Variants in CEP128 observed in about 807,000 individuals in gnomAD.
The protein encoded by CEP128 is centrosomal protein 128.
A neutral mutation model predicts 156.7 loss-of-function variants in CEP128; 132 were observed. That is an observed-to-expected ratio of 0.84 (90% CI 0.73 to 0.97). The LOEUF (loss-of-function observed/expected upper bound fraction) is 0.97. CEP128 is among the 50% of genes least tolerant of loss of function. The probability of loss-of-function intolerance (pLI) is 0.00; values close to 1 mark genes in which losing one functional copy is unlikely to be tolerated. For synonymous variants in CEP128, 469 were observed against 448.9 expected, an observed-to-expected ratio of 1.04 and a Z score of -0.57; for missense variants, 1,252 against 1,281.9, an observed-to-expected ratio of 0.98 and a Z score of 0.36.
At chr14:80,768,351 A>G (rs1312621879) in intron 16 of CEP128, among the ~76,000 whole-genome samples, 2 of 152,210 alleles carry the variant, frequency 1.3e-5, no homozygotes, top group Non-Finnish European at 2.9e-5. Flanking sequence ...AGTAGAGTCA[A>G]TAAGATCAGC....
intron 17 of CEP128, 101 bp downstream of exon 17, chr14:80,761,336 T>G (rs1042287569): frequency 4.0e-5 from 35 of 875,120 alleles, no homozygotes; most frequent in Non-Finnish European, 5.1e-5. Context: ...TTATAAAATT[T>G]TCCATAATAA....
At position 80,566,448 on chromosome 14, in the gene CEP128, A is replaced by T. The variant is rs190149484; in HGVS notation, c.2857-7146T>A. Among the ~76,000 whole-genome samples the T allele has an allele frequency of 1.8e-4, 28 of 152,338 alleles. No homozygotes were observed. In the East Asian group the frequency reaches 4.8e-3, roughly 26 times the overall value. On this transcript the variant is annotated intron_variant, in intron 20 of 24. Coordinates refer to ENST00000555265, the MANE Select transcript of CEP128 (RefSeq NM_152446.5). ...AAACTTTAAGATAATGAAAAGGGAA[A>T]GGCTTTGATTAATCATCACACACAA...
At chr14:80,697,293 T>C (rs1881609200) in intron 19 of CEP128, among the ~76,000 whole-genome samples, 1 of 152,110 alleles carries the variant, frequency 6.6e-6, no homozygotes, top group African/African-American at 2.4e-5. Context: ...AAAACTATAA[T>C]GGTTGTTCTC....
chr14:80,727,575 CAACA>C (rs753365328), intron 19 of CEP128, among the ~76,000 whole-genome samples: 27 of 152,066 alleles, frequency 1.8e-4, no homozygotes, highest in African/African-American at 6.0e-4. Flanking sequence ...AAGAAACTAT[CAACA>C]AACAGACAAC....
At chr14:80,768,557 G>A (rs941641743) in intron 16 of CEP128, among the ~76,000 whole-genome samples, 1 of 152,178 alleles carries the variant, frequency 6.6e-6, no homozygotes, top group Admixed American at 6.5e-5. Context: ...TCCTCCAAAA[G>A]AGGGGAAGAA....
At chr14:80,886,464 G>A (rs559498673) in intron 8 of CEP128, among the ~76,000 whole-genome samples, 1 of 152,226 alleles carries the variant, frequency 6.6e-6, no homozygotes, top group South Asian at 2.1e-4. Flanking sequence ...AAGAGAGTGG[G>A]GGCCAATATT....
chr14:80,479,418 T>C (rs1036269620), intron 14 of CEP128, among the ~76,000 whole-genome samples: 3 of 152,090 alleles, frequency 2.0e-5, no homozygotes, highest in African/African-American at 7.2e-5. Context: ...AGAATCATGG[T>C]GGGAGGTGAA....
intron 19 of CEP128, among the ~76,000 whole-genome samples, chr14:80,741,975 C>A (rs879530361): frequency 3.3e-5 from 5 of 152,100 alleles, no homozygotes; most frequent in African/African-American, 1.2e-4. Context: ...GTGACATGCC[C>A]TAAAAATGTC....
intron 18 of CEP128, among the ~76,000 whole-genome samples, chr14:80,754,107 T>C (rs988246159): frequency 6.6e-6 from 1 of 152,220 alleles, no homozygotes; most frequent in Non-Finnish European, 1.5e-5. Context: ...CTCCATGCAA[T>C]GTAGATCTGA....
At chr14:80,642,446 G>A (rs1317868957) in intron 19 of CEP128, among the ~76,000 whole-genome samples, 1 of 152,172 alleles carries the variant, frequency 6.6e-6, no homozygotes, top group East Asian at 1.9e-4. Flanking sequence ...ACTTTGAGAG[G>A]CCAATGCAGG....
At chr14:80,810,469 AT>A (rs1884466391) in intron 13 of CEP128, among the ~76,000 whole-genome samples, 1 of 152,116 alleles carries the variant, frequency 6.6e-6, no homozygotes, top group African/African-American at 2.4e-5. Flanking sequence ...GATTGACTGA[AT>A]GGATTTTTAA....
rs946602568 is a variant in CEP128, at chr14:80,793,074, G to T, written c.1246C>A (p.Gln416Lys). The T allele has an allele frequency of 6.8e-6, 11 of 1,613,408 alleles. 1 individual carries two copies. The Admixed American group carries it at 8.3e-5, about 12-fold the overall frequency. The part of the protein sequence containing the change: ...TRELENGEKQ[Q>K]LQMLDRLKEI... ...TTAAGTCGATCCAACATCTGCAGTT[G>T]CTGTTTTTCCCCATTCTCCAGTTCA... is the stretch of plus-strand genomic sequence containing the variant. Residue 416 changes from glutamine to lysine, a missense_variant, in exon 14 of 25, where the codon CAA (glutamine) becomes AAA (lysine). By Grantham distance (53) the Gln-to-Lys change is moderately conservative. Coordinates refer to ENST00000555265, the MANE Select transcript of CEP128 (RefSeq NM_152446.5).
intron 13 of CEP128, 168 bp downstream of exon 13, chr14:80,830,975 C>T (rs1244211140): frequency 1.7e-6 from 1 of 604,198 alleles, no homozygotes; most frequent in Non-Finnish European, 2.8e-6. Flanking sequence ...GAAATGAACC[C>T]ATAGGAATTT....
intron 19 of CEP128, among the ~76,000 whole-genome samples, chr14:80,692,123 G>A (rs1452267129): frequency 1.3e-5 from 2 of 152,162 alleles, no homozygotes; most frequent in Non-Finnish European, 2.9e-5. Context: ...GAAAAATTGT[G>A]ACTAGTTGTC....
chr14:80,590,227 T>G (rs1294201419), intron 19 of CEP128, among the ~76,000 whole-genome samples: 5 of 152,122 alleles, frequency 3.3e-5, no homozygotes, highest in African/African-American at 1.2e-4. Flanking sequence ...CAAATTTTCA[T>G]AAGAGACGTA....
chr14:80,950,822 G>A (rs548317351), intron 2 of CEP128, among the ~76,000 whole-genome samples: 15 of 146,942 alleles, frequency 1.0e-4, no homozygotes, highest in African/African-American at 3.7e-4. Flanking sequence ...CCAAGCACAG[G>A]AAACTTGAAG....
intron 2 of CEP128, among the ~76,000 whole-genome samples, chr14:80,937,659 T>C (rs1227068076): frequency 6.6e-6 from 1 of 152,132 alleles, no homozygotes; most frequent in Non-Finnish European, 1.5e-5. Context: ...TGCTGACCTG[T>C]AACAATACAT....
intron 21 of CEP128, among the ~76,000 whole-genome samples, chr14:80,555,228 A>G (rs992343523): frequency 3.3e-5 from 5 of 152,156 alleles, no homozygotes; most frequent in African/African-American, 1.2e-4. Flanking sequence ...CTTACTAGGT[A>G]TCTTCAATGA....
rs567675015 is a variant in CEP128 at position 80,690,901 on chromosome 14, T to G, written c.2806+52174A>C. Among the ~76,000 whole-genome samples the G allele has an allele frequency of 3.3e-5, 5 of 152,286 alleles. No homozygotes were observed. The East Asian group carries it at 9.6e-4, about 29-fold the overall frequency. On this transcript the variant is annotated intron_variant, in intron 19 of 24. Transcript: ENST00000555265. ...CAATGTTAAAAATATAAATTTAGTTTAAATATTTGCCACATAAGTTAAAAA... is the reference window on the plus strand; with the variant it reads ...CAATGTTAAAAATATAAATTTAGTTGAAATATTTGCCACATAAGTTAAAAA...
Sources: allele counts gnomAD v4.1 joint callset (sites outside exome capture counted in the v4.1 genomes callset), GRCh38; gene constraint gnomAD v4.1.1; transcripts MANE v1.5; gene names NCBI Gene and HGNC (gene_info 2026-07-23, HGNC 2026-07-21).